WDR24: variants seen among roughly 807,000 people sequenced by gnomAD.
The protein encoded by WDR24 is WD repeat domain 24, also known as GATOR2 complex protein WDR24.
WDR24 carries 32 observed loss-of-function variants against 66.7 expected under a neutral mutation model. The ratio of observed to expected loss-of-function variants is 0.48; its 90% CI spans 0.36 to 0.64. The LOEUF is 0.64. WDR24 is among the 30% of genes least tolerant of loss of function. The probability of loss-of-function intolerance (pLI) is 0.00; values close to 1 mark genes in which losing one functional copy is unlikely to be tolerated. For missense variants in WDR24, 978 were observed against 1,144.1 expected (o/e 0.85, Z 2.09); for synonymous variants, 565 against 469.1 (o/e 1.20, Z -2.64).
In WDR24 at chr16:685,661, G is replaced by A. The variant is rs374233462; in HGVS notation, c.1678+18C>T. Reference sequence around the variant, plus strand: ...TCCATCCGCCTCTGAACCCCACCCTGCCCGGACCCCCACTCACGGTGCGCG... The same window carrying A: ...TCCATCCGCCTCTGAACCCCACCCTACCCGGACCCCCACTCACGGTGCGCG... On this transcript the variant is annotated intron_variant, in intron 6 of 8. Coordinates refer to ENST00000293883, the MANE Select transcript of WDR24 (RefSeq NM_032259.4). 7.4e-6 allele frequency: 12 copies of A among 1,612,524 alleles called. 1 individual carries two copies. The South Asian group carries it at 9.9e-5, about 13-fold the overall frequency.
rs748218413 is a variant in WDR24, at chr16:684,717, G to GC, written c.*16dup. On this transcript the variant is annotated 3_prime_UTR_variant, in exon 9 of 9. Transcript: ENST00000293883. ...GTTCTGCACGCGGCCGCCCGGGCAA[G>GC]CCCAGCAGATGCCCCGTCAGGAGTA... 1.9e-6 allele frequency: 3 copies of GC among 1,577,172 alleles called. No individual in the cohort carries two copies. Among genetic ancestry groups the GC allele is most frequent in the Middle Eastern group, 1.7e-4 (1 of 5,990 alleles).
chr16:685,823 C>T, intron 5 of WDR24, 40 bp from the exon 6 acceptor site: 1 of 1,613,014 alleles, frequency 6.2e-7, no homozygotes, highest in Non-Finnish European at 8.5e-7. Flanking sequence ...TCGTCTGGGA[C>T]ACCCCCACCC....
Position 689,442 on chromosome 16 carries a change from C to T in WDR24, c.199G>A (p.Val67Met). The stretch of plus-strand genomic sequence containing the variant: ...AGGTTAAGCGAAGGCTTGCGCCCCA[C>T]ACGCAGGTTCAGCTTTTCCACGAAC... ...EQFVEKLNLR[V>M]GRKPSLNLSC... is the part of the protein sequence containing the mutation. Residue 67 changes from valine to methionine, a missense_variant, in exon 1 of 9, where the codon GTG becomes ATG. This residue lies in a region of WDR24 where 302 missense variants were observed against 526.6 expected (regional missense o/e 0.57). Coordinates refer to ENST00000293883, the MANE Select transcript of WDR24 (RefSeq NM_032259.4). 6.2e-7 allele frequency: 1 copy of T among 1,613,690 alleles called. No individual in the cohort carries two copies.
rs773755804 is a variant in WDR24, at chr16:684,794, C to G, written c.2313G>C (p.Lys771Asn). 6.3e-7 allele frequency: 1 copy of G among 1,592,772 alleles called. No individual in the cohort carries two copies. The highest frequency in any genetic ancestry group is 2.3e-5 in the East Asian group (1 of 43,248). ...SHGGHLQHIM[K>N]WLEGSSHCPA... ...GACAGTGGGAGCTGCCTTCCAGCCA[C>G]TTCATGATGTGCTGCAGGTGGCCGC... Residue 771 changes from lysine (K) to asparagine (N), a missense_variant, in exon 9 of 9, where the codon AAG becomes AAC. By Grantham distance (94) the Lys-to-Asn change is moderately conservative. Coordinates refer to ENST00000293883, the MANE Select transcript of WDR24 (RefSeq NM_032259.4).
Position 685,180 on chromosome 16 carries a change from G to T in WDR24, c.2020-4C>A. The stretch of plus-strand genomic sequence containing the variant: ...TGTAGGAAGTGTACCAGTGCTCCTG[G>T]GGGAGGGAGCGCCCGGCAGTCAGGA... On this transcript the variant is annotated splice_region_variant and splice_polypyrimidine_tract_variant and intron_variant, in intron 7 of 8. Coordinates refer to ENST00000293883, the MANE Select transcript of WDR24 (RefSeq NM_032259.4). 3 of 1,589,944 alleles carry T rather than the reference G, an allele frequency of 1.9e-6. No individual in the cohort carries two copies. Among genetic ancestry groups the T allele is most frequent in the East Asian group, 2.3e-5 (1 of 43,258 alleles).
intron 1 of WDR24, 171 bp from the exon 2 acceptor site, chr16:687,910 C>T (rs941119995): frequency 3.5e-6 from 3 of 863,800 alleles, no homozygotes; most frequent in African/African-American, 3.3e-5. Flanking sequence ...ACAGAGTCGC[C>T]ACAAGAGCCT....
Position 690,276 on chromosome 16 carries a change from G to T in WDR24, c.-636C>A, listed in dbSNP as rs924251927. On this transcript the variant is annotated 5_prime_UTR_variant, in exon 1 of 9. Coordinates refer to ENST00000293883, the MANE Select transcript of WDR24 (RefSeq NM_032259.4). ...ACAGGGTTCCTGGGAGCGGCGCAGT[G>T]GCGCGGGGGAGCGGACGCTGCGGGA... 1 of 437,530 alleles carries T rather than the reference G, an allele frequency of 2.3e-6. No individual in the cohort carries two copies. Among genetic ancestry groups the T allele is most frequent in the African/African-American group, 2.0e-5 (1 of 49,490 alleles). 27.1% of individuals were successfully genotyped at this position (437,530 alleles called of 1,614,324 possible).
At chr16:686,655 C>T in intron 3 of WDR24, 89 bp downstream of exon 3, 3 of 1,459,290 alleles carry the variant, frequency 2.1e-6, no homozygotes, top group East Asian at 2.3e-5. Context: ...CATTGCGGAG[C>T]TTGAGGTGGG....
chr16:685,045 G>C lies in WDR24; in HGVS notation c.2151C>G (p.Val717=), dbSNP rs767372966. ...TGGGCCGCTTGCAGTGGCTGCAGTT[G>C]ACGTGCAGGGTGGTGGAGGCCTGGT... The part of the protein sequence containing the change: ...CLNQASTTLH[V]NCSHCKRPMS... The change falls in exon 8 of 9, where the codon GTC becomes GTG. Residue 717 remains valine, a synonymous_variant. Coordinates refer to ENST00000293883, the MANE Select transcript of WDR24 (RefSeq NM_032259.4). The C allele has an allele frequency of 3.0e-5, 46 of 1,557,536 alleles. No homozygotes were observed. The highest frequency in any genetic ancestry group is 3.9e-5 in the Non-Finnish European group (45 of 1,152,372).
intron 2 of WDR24, 35 bp downstream of exon 2, chr16:687,527 T>G (rs758595550): frequency 6.2e-7 from 1 of 1,605,232 alleles, no homozygotes; most frequent in East Asian, 2.2e-5. Flanking sequence ...GAGAGCTTAC[T>G]GTCAACCTAC....
In WDR24 at chr16:685,668, C is replaced by T. The variant is rs1339807185; in HGVS notation, c.1678+11G>A. Reference sequence around the variant, plus strand: ...GCCTCTGAACCCCACCCTGCCCGGACCCCCACTCACGGTGCGCGTGTTCCG... The same window carrying T: ...GCCTCTGAACCCCACCCTGCCCGGATCCCCACTCACGGTGCGCGTGTTCCG... On this transcript the variant is annotated intron_variant, in intron 6 of 8. Coordinates refer to ENST00000293883, the MANE Select transcript of WDR24 (RefSeq NM_032259.4). 6 of 1,612,644 alleles carry T rather than the reference C, an allele frequency of 3.7e-6. No individual in the cohort carries two copies. Among genetic ancestry groups the T allele is most frequent in the African/African-American group, 1.3e-5 (1 of 74,926 alleles).
rs2039890168 is a variant in WDR24, at chr16:685,667, A to G, written c.1678+12T>C. Reference sequence around the variant, plus strand: ...CGCCTCTGAACCCCACCCTGCCCGGACCCCCACTCACGGTGCGCGTGTTCC... The same window carrying G: ...CGCCTCTGAACCCCACCCTGCCCGGGCCCCCACTCACGGTGCGCGTGTTCC... On this transcript the variant is annotated intron_variant, in intron 6 of 8. Coordinates refer to ENST00000293883, the MANE Select transcript of WDR24 (RefSeq NM_032259.4). 1 of 1,611,948 alleles carries G rather than the reference A, an allele frequency of 6.2e-7. No individual in the cohort carries two copies. The highest frequency in any genetic ancestry group is 1.3e-5 in the African/African-American group (1 of 74,576).
At position 687,632 on chromosome 16, in the gene WDR24, C is replaced by T. The variant is rs764236841; in HGVS notation, c.589G>A (p.Asp197Asn). The change falls in exon 2 of 9, where the codon GAC becomes AAC. Residue 197 changes from aspartate (D) to asparagine (N), a missense_variant. By Grantham distance (23) the Asp-to-Asn change is conservative. Around this residue, in one of 2 missense-constraint regions of WDR24, gnomAD observed 302 missense variants for 526.6 expected, o/e 0.57. Coordinates refer to ENST00000293883, the MANE Select transcript of WDR24 (RefSeq NM_032259.4). The stretch of plus-strand genomic sequence containing the variant: ...GCTGTGAACATCCTCTCGCACCGGT[C>T]GGGACGCCGGATGTCCCAGAGCTGC... ...NVQLWDIRRPDRCERMFTAHN... is the reference protein window; with the variant it reads ...NVQLWDIRRPNRCERMFTAHN... 1.5e-5 allele frequency: 24 copies of T among 1,613,390 alleles called. No individual in the cohort carries two copies. Among genetic ancestry groups the T allele is most frequent in the Admixed American group, 1.0e-4 (6 of 60,006 alleles).
Position 686,112 on chromosome 16 carries a change from G to A in WDR24, c.1407C>T (p.His469=). The change falls in exon 4 of 9, where the codon CAC becomes CAT. Residue 469 remains histidine, a synonymous_variant. Coordinates refer to ENST00000293883, the MANE Select transcript of WDR24 (RefSeq NM_032259.4). ...CACAGGAGCCACCCTTGCCCACACT[G>A]TGGTTGAGGTTTGCAGTGGGCACTA... ...PGLVPTANLN[H]SVGKGGSCGL... 6.2e-7 allele frequency: 1 copy of A among 1,613,146 alleles called. No individual in the cohort carries two copies. The highest frequency in any genetic ancestry group is 8.5e-7 in the Non-Finnish European group (1 of 1,179,974).
In WDR24 at chr16:687,164, G is replaced by A. The variant is rs1206339863; in HGVS notation, c.912C>T (p.Ala304=). The A allele has an allele frequency of 6.2e-7, 1 of 1,612,712 alleles. No homozygotes were observed. ...AGGAGGGGTCGTGGGGGTGGCGCCA[G>A]GCAATTCCCGTGGTGACGTCTCGGT... is the stretch of plus-strand genomic sequence containing the variant. ...EEHRDVTTGI[A]WRHPHDPSFL... Residue 304 remains alanine, a synonymous_variant, in exon 3 of 9, where the codon GCC becomes GCT. Transcript: ENST00000293883.
Position 690,114 on chromosome 16 carries a change from C to G in WDR24, c.-474G>C, listed in dbSNP as rs1224387244. On this transcript the variant is annotated 5_prime_UTR_variant, in exon 1 of 9. Transcript: ENST00000293883. ...GGGAGGAACAAAAGAGGGGAGGGAACAGAGGGCTAGAGGGGCCCGGGGACT... is the reference window on the plus strand; with the variant it reads ...GGGAGGAACAAAAGAGGGGAGGGAAGAGAGGGCTAGAGGGGCCCGGGGACT... The G allele has an allele frequency of 8.8e-6, 4 of 456,872 alleles. No homozygotes were observed. Among genetic ancestry groups the G allele is most frequent in the Non-Finnish European group, 1.8e-5 (4 of 227,716 alleles). 28.3% of individuals were successfully genotyped at this position (456,872 alleles called of 1,614,324 possible). A position where few individuals can be genotyped will look rare whatever the true frequency, so the allele number is the denominator to read the frequency against.
At chr16:687,541 C>G (rs751577568) in intron 2 of WDR24, 21 bp downstream of exon 2, 38 of 1,608,688 alleles carry the variant, frequency 2.4e-5, no homozygotes, top group Admixed American at 5.0e-5. Context: ...AACCTACTGC[C>G]CCTGCACCCC....
At chr16:688,971 T>C (rs1596568125) in intron 1 of WDR24, 189 bp downstream of exon 1, 8 of 866,624 alleles carry the variant, frequency 9.2e-6, no homozygotes, top group African/African-American at 3.4e-5. Flanking sequence ...CCCACTTGAC[T>C]GCCCTGGCTC....
Position 687,773 on chromosome 16 carries a change from G to C in WDR24, c.482-34C>G, listed in dbSNP as rs758037400. 5 of 1,603,132 alleles carry C rather than the reference G, an allele frequency of 3.1e-6. No homozygotes were observed. In the African/African-American group the frequency reaches 4.0e-5, roughly 13 times the overall value. The stretch of plus-strand genomic sequence containing the variant: ...AGGAGGTCGATGCAGGGGAAGTGAC[G>C]GGGCTGGCCCATGAGGTGCGCCCTC... On this transcript the variant is annotated intron_variant, in intron 1 of 8. Coordinates refer to ENST00000293883, the MANE Select transcript of WDR24 (RefSeq NM_032259.4).
Sources: allele counts gnomAD v4.1 joint callset, GRCh38; gene constraint gnomAD v4.1.1; regional missense constraint gnomAD v4.1.1; transcripts MANE v1.5; gene names NCBI Gene and HGNC (gene_info 2026-07-23, HGNC 2026-07-21).